The following TGM7 variants were observed in gnomAD, a reference collection of about 807,000 sequenced individuals.
The protein encoded by TGM7 is protein-glutamine gamma-glutamyltransferase Z.
TGM7 carries 74 observed loss-of-function variants against 79.5 expected under a neutral mutation model. That is an observed-to-expected ratio of 0.93 (90% CI 0.77 to 1.13). The LOEUF is 1.13. TGM7 is among the 50% of genes most tolerant of loss of function. The probability of loss-of-function intolerance (pLI) is 0.00; values close to 1 mark genes in which losing one functional copy is unlikely to be tolerated. For synonymous variants in TGM7, 354 were observed against 362.5 expected (o/e 0.98, Z 0.27); for missense variants, 912 against 905.9 (o/e 1.01, Z -0.09).
At chr15:43,284,282 C>G (rs535351284) in intron 7 of TGM7, among the ~76,000 whole-genome samples, 8 of 151,928 alleles carry the variant, frequency 5.3e-5, no homozygotes, top group African/African-American at 1.7e-4. Context: ...GCGGGTAGAG[C>G]TGAGAACAAA....
At chr15:43,288,964 G>T (rs2042950701) in intron 4 of TGM7, among the ~76,000 whole-genome samples, 1 of 151,998 alleles carries the variant, frequency 6.6e-6, no homozygotes, top group African/African-American at 2.4e-5. Context: ...GGGGAGTGGG[G>T]ATGGAGGCAG....
Position 43,276,599 on chromosome 15 carries a change from C to T in TGM7, c.1989G>A (p.Val663=). The T allele has an allele frequency of 6.2e-7, 1 of 1,613,466 alleles. No homozygotes were observed. Among genetic ancestry groups the T allele is most frequent in the South Asian group, 1.1e-5 (1 of 90,990 alleles). ...GQIAKDLGTL[V]AGHTLQIQLD... ...GTTGAATTTGGAGGGTGTGTCCGGC[C>T]ACCAGAGTCCCAAGGCTGAAAGTCA... The change falls in exon 13 of 13, where the codon GTG becomes GTA. Residue 663 remains valine, a synonymous_variant. Transcript: ENST00000452443.
At chr15:43,289,908 GTTGT>G (rs1228550335) in intron 4 of TGM7, among the ~76,000 whole-genome samples, 2 of 152,104 alleles carry the variant, frequency 1.3e-5, no homozygotes, top group Non-Finnish European at 2.9e-5. Context: ...TTTTGATGGG[GTTGT>G]TTGTTTTTTT....
chr15:43,284,529 T>C (rs186380872), intron 7 of TGM7, among the ~76,000 whole-genome samples: 1 of 152,210 alleles, frequency 6.6e-6, no homozygotes. Flanking sequence ...AAGAGGAAGA[T>C]GAATAAAGAC....
intron 6 of TGM7, among the ~76,000 whole-genome samples, chr15:43,286,353 A>G (rs934011442): frequency 1.3e-5 from 2 of 152,186 alleles, no homozygotes; most frequent in African/African-American, 4.8e-5. Flanking sequence ...GGCCTCCTCC[A>G]TAACACCTAC....
In TGM7 at chr15:43,287,522, G is replaced by A. The variant is rs766670551; in HGVS notation, c.687+19C>T. ...GAAGCTCAGACTGTCCTCAGACGGCGGGAAGCATCCATCCTTACCATGGCA... is the reference window on the plus strand; with the variant it reads ...GAAGCTCAGACTGTCCTCAGACGGCAGGAAGCATCCATCCTTACCATGGCA... On this transcript the variant is annotated intron_variant, in intron 5 of 12. Transcript: ENST00000452443. 21 of 1,612,886 alleles carry A rather than the reference G, an allele frequency of 1.3e-5. No individual in the cohort carries two copies. In the East Asian group the frequency reaches 3.1e-4, roughly 24 times the overall value.
chr15:43,301,577 C>A (rs1379861455), intron 1 of TGM7, among the ~76,000 whole-genome samples: 3 of 150,990 alleles, frequency 2.0e-5, no homozygotes, highest in African/African-American at 7.3e-5. Context: ...ATGCAGTGAG[C>A]CGAGATCGCG....
At position 43,281,881 on chromosome 15, in the gene TGM7, C is replaced by G; in HGVS notation, c.1314G>C (p.Gln438His). The change falls in exon 9 of 13, where the codon CAG becomes CAC. Residue 438 changes from glutamine (Q) to histidine (H), a missense_variant. Transcript: ENST00000452443. Reference protein sequence around the residue: ...EISTKMVGSDQRQSITSSYKY... With the variant: ...EISTKMVGSDHRQSITSSYKY... ...TGTAGGAGCTGGTGATGCTCTGGCG[C>G]TGGTCTGACCCCACCATCTTAGTGC... 6.2e-7 allele frequency: 1 copy of G among 1,614,226 alleles called. No individual in the cohort carries two copies. Among genetic ancestry groups the G allele is most frequent in the Non-Finnish European group, 8.5e-7 (1 of 1,180,030 alleles).
intron 1 of TGM7, among the ~76,000 whole-genome samples, chr15:43,293,952 T>A (rs916800832): frequency 6.9e-6 from 1 of 145,116 alleles, no homozygotes; most frequent in Non-Finnish European, 1.5e-5. Flanking sequence ...CATGGGGAAG[T>A]GTTGATACTG....
chr15:43,291,754 T>C (rs1596463726), intron 4 of TGM7, among the ~76,000 whole-genome samples: 2 of 152,302 alleles, frequency 1.3e-5, no homozygotes, highest in Admixed American at 1.3e-4. Context: ...GATTATGTTT[T>C]AAGGTTTTTC....
Position 43,279,225 on chromosome 15 carries a change from C to A in TGM7, c.1731G>T (p.Thr577=), listed in dbSNP as rs765625546. 1.2e-6 allele frequency: 2 copies of A among 1,614,132 alleles called. No individual in the cohort carries two copies. Among genetic ancestry groups the A allele is most frequent in the South Asian group, 1.1e-5 (1 of 91,076 alleles). ...LPYSNYRNKL[T]DEKLIRVSGI... ...CAGACACGCGGATGAGCTTTTCGTC[C>A]GTTAGCTTGTTTCTGTAATTGCTGT... Residue 577 remains threonine (T), a synonymous_variant, in exon 11 of 13, where the codon ACG becomes ACT. Transcript: ENST00000452443.
intron 1 of TGM7, among the ~76,000 whole-genome samples, chr15:43,295,593 A>T (rs2042988306): frequency 6.6e-6 from 1 of 152,214 alleles, no homozygotes. Context: ...ATCTCAAAAA[A>T]ACATAGAACT....
chr15:43,291,855 C>A, intron 4 of TGM7, 124 bp downstream of exon 4: 1 of 664,908 alleles, frequency 1.5e-6, no homozygotes, highest in Non-Finnish European at 2.6e-6. Flanking sequence ...AAGCCCCTCA[C>A]ACCCTCGCCT....
In TGM7 at chr15:43,281,956, C is replaced by T. The variant is rs139992616; in HGVS notation, c.1239G>A (p.Gln413=). 4.6e-5 allele frequency: 74 copies of T among 1,614,230 alleles called. No homozygotes were observed. The African/African-American group carries it at 9.2e-4, about 20-fold the overall frequency. Reference sequence around the variant, plus strand: ...TGTTGTGGGCCAGGATTTCCTGGGCCTGGCCATCCCCAAGGAGCCAAATGA... The same window carrying T: ...TGTTGTGGGCCAGGATTTCCTGGGCTTGGCCATCCCCAAGGAGCCAAATGA... ...DEVIWLLGDG[Q]AQEILAHNTS... The change falls in exon 9 of 13, where the codon CAG becomes CAA. Residue 413 remains glutamine (Q), a synonymous_variant. Coordinates refer to ENST00000452443, the MANE Select transcript of TGM7 (RefSeq NM_052955.3).
In TGM7 at chr15:43,284,910, A is replaced by T. The variant is rs1220960649; in HGVS notation, c.908T>A (p.Phe303Tyr). The T allele has an allele frequency of 9.9e-6, 16 of 1,614,206 alleles. No homozygotes were observed. The South Asian group carries it at 1.6e-4, about 17-fold the overall frequency. The change falls in exon 7 of 13, where the codon TTC (phenylalanine) becomes TAC (tyrosine). Residue 303 changes from phenylalanine (F) to tyrosine (Y), a missense_variant. Coordinates refer to ENST00000452443, the MANE Select transcript of TGM7 (RefSeq NM_052955.3). Reference sequence around the variant, plus strand: ...CCTATCCACGTTGTGCGCGGAACGGAAATTGGAAACAACACGGGTTGGAAC... The same window carrying T: ...CCTATCCACGTTGTGCGCGGAACGGTAATTGGAAACAACACGGGTTGGAAC... ...LGVPTRVVSN[F>Y]RSAHNVDRNL...
chr15:43,282,467 T>A, intron 8 of TGM7, 50 bp downstream of exon 8: 1 of 1,501,932 alleles, frequency 6.7e-7, no homozygotes, highest in East Asian at 2.5e-5. Flanking sequence ...CCAGTCACCC[T>A]AATCTGCCTC....
In TGM7 at chr15:43,279,822, A is replaced by C; in HGVS notation, c.1481T>G (p.Leu494Arg). The C allele has an allele frequency of 6.2e-7, 1 of 1,614,240 alleles. No individual in the cohort carries two copies. Among genetic ancestry groups the C allele is most frequent in the Non-Finnish European group, 8.5e-7 (1 of 1,180,050 alleles). ...CCACTCGGGTATCCTGGCCAGGTGA[A>C]GCTGCAGCTGCGCTGGCTGATCCCT... ...GLRDQPAQLQ[L>R]HLARIPEWGQ... is the part of the protein sequence containing the mutation. The change falls in exon 10 of 13, where the codon CTT (leucine) becomes CGT (arginine). Residue 494 changes from leucine (L) to arginine (R), a missense_variant. Leu to Arg is a moderately radical substitution (Grantham distance 102, BLOSUM62 -2). Coordinates refer to ENST00000452443, the MANE Select transcript of TGM7 (RefSeq NM_052955.3).
chr15:43,277,772 T>C (rs1001638409), intron 11 of TGM7, among the ~76,000 whole-genome samples: 1 of 152,090 alleles, frequency 6.6e-6, no homozygotes, highest in African/African-American at 2.4e-5. Context: ...CAGATCGTAC[T>C]AGGGGCTTGT....
chr15:43,287,240 G>A (rs746010269), intron 6 of TGM7, 40 bp downstream of exon 6: 1 of 1,587,908 alleles, frequency 6.3e-7, no homozygotes, highest in Admixed American at 1.7e-5. Context: ...CTCTGATAAT[G>A]AAGTTAATCA....
Sources: allele counts gnomAD v4.1 joint callset (sites outside exome capture counted in the v4.1 genomes callset), GRCh38; gene constraint gnomAD v4.1.1; transcripts MANE v1.5; gene names NCBI Gene and HGNC (gene_info 2026-07-23, HGNC 2026-07-21).